The following IRS1 variants were observed in gnomAD, a reference collection of about 807,000 sequenced individuals.
IRS1 encodes the protein insulin receptor substrate 1.
A neutral mutation model predicts 65.6 loss-of-function variants in IRS1; 34 were observed. That is an observed-to-expected ratio of 0.52 (90% CI 0.39 to 0.69). The LOEUF (loss-of-function observed/expected upper bound fraction) is 0.69. IRS1 is among the 30% of genes least tolerant of loss of function. The probability of loss-of-function intolerance (pLI) is 0.00; values close to 1 mark genes in which losing one functional copy is unlikely to be tolerated. For synonymous variants in IRS1, 699 were observed against 683.5 expected, an observed-to-expected ratio of 1.02 and a Z score of -0.35; for missense variants, 1,641 against 1,720.2, an observed-to-expected ratio of 0.95 and a Z score of 0.81.
chr2:226,785,189 C>A (rs1218180182), intron 1 of IRS1, among the ~76,000 whole-genome samples: 1 of 152,084 alleles, frequency 6.6e-6, no homozygotes, highest in Non-Finnish European at 1.5e-5. Context: ...TCCCATTATA[C>A]CATATTAAGA....
At chr2:226,791,123 TAA>T (rs1939585594) in intron 1 of IRS1, among the ~76,000 whole-genome samples, 1 of 152,126 alleles carries the variant, frequency 6.6e-6, no homozygotes, top group African/African-American at 2.4e-5. Flanking sequence ...TGCTTTGCAG[TAA>T]AGTGTATGGA....
intron 1 of IRS1, among the ~76,000 whole-genome samples, chr2:226,755,674 A>G (rs1396959744): frequency 6.6e-6 from 1 of 152,214 alleles, no homozygotes; most frequent in Non-Finnish European, 1.5e-5. Context: ...TCTTCATCCC[A>G]TCCTTCCCCT....
intron 1 of IRS1, among the ~76,000 whole-genome samples, chr2:226,758,145 T>A (rs1400603022): frequency 4.6e-5 from 7 of 152,220 alleles, no homozygotes; most frequent in Non-Finnish European, 1.0e-4. Context: ...CAGATTCCAT[T>A]TGAATTCAGA....
At chr2:226,782,842 A>G (rs1023481673) in intron 1 of IRS1, among the ~76,000 whole-genome samples, 1 of 152,162 alleles carries the variant, frequency 6.6e-6, no homozygotes, top group Non-Finnish European at 1.5e-5. Context: ...CTCTACTAAA[A>G]ATACAAAAAT....
At chr2:226,755,891 A>C (rs1482337896) in intron 1 of IRS1, among the ~76,000 whole-genome samples, 2 of 152,268 alleles carry the variant, frequency 1.3e-5, no homozygotes, top group Non-Finnish European at 1.5e-5. Flanking sequence ...TCCTCCTCCC[A>C]AAAACATACA....
chr2:226,739,268 T>C (rs974321648), intron 1 of IRS1, among the ~76,000 whole-genome samples: 1 of 152,190 alleles, frequency 6.6e-6, no homozygotes, highest in African/African-American at 2.4e-5. Flanking sequence ...CTGTTTGTCT[T>C]TGTACAGGGT....
chr2:226,799,242 C>T lies in IRS1; in HGVS notation c.-504G>A. The T allele has an allele frequency of 8.8e-7, 1 of 1,129,958 alleles. No individual in the cohort carries two copies. Among genetic ancestry groups the T allele is most frequent in the Non-Finnish European group, 1.1e-6 (1 of 904,038 alleles). The allele number at this position is 1,129,958 out of a possible 1,614,324, so 70.0% of individuals were successfully genotyped here. ...GGCAGGGGGAGGCGGGTTGCCAAGT[C>T]CCAACGTTGCACGGGGTTCTCCCTC... On this transcript the variant is annotated 5_prime_UTR_variant, in exon 1 of 2. Transcript: ENST00000305123. The surrounding 1 kb of genome is among the most constrained non-coding windows in gnomAD (Gnocchi z 6.1).
chr2:226,793,596 A>G (rs1939651646), intron 1 of IRS1, among the ~76,000 whole-genome samples: 1 of 152,232 alleles, frequency 6.6e-6, no homozygotes, highest in African/African-American at 2.4e-5. Flanking sequence ...AAACAGAATT[A>G]AGAAGACTAT....
chr2:226,758,863 A>ATATC (rs1220330907), intron 1 of IRS1, among the ~76,000 whole-genome samples: 123 of 152,358 alleles, frequency 8.1e-4, no homozygotes, highest in African/African-American at 2.7e-3. Context: ...TATCCAAGGA[A>ATATC]GTGAAATTTG....
At chr2:226,791,205 C>T (rs979451741) in intron 1 of IRS1, among the ~76,000 whole-genome samples, 10 of 152,178 alleles carry the variant, frequency 6.6e-5, no homozygotes, top group African/African-American at 2.2e-4. Flanking sequence ...ATCCGCAGCA[C>T]TCGCAGGTCT....
intron 1 of IRS1, among the ~76,000 whole-genome samples, chr2:226,762,624 G>A (rs753663786): frequency 2.0e-5 from 3 of 152,164 alleles, no homozygotes; most frequent in Non-Finnish European, 2.9e-5. Flanking sequence ...GTTCCAATAA[G>A]CTTTCCAGAA....
chr2:226,746,088 A>C (rs557261318), intron 1 of IRS1, among the ~76,000 whole-genome samples: 1 of 152,362 alleles, frequency 6.6e-6, no homozygotes, highest in South Asian at 2.1e-4. Context: ...AATGAATGCT[A>C]TCTACAGAAA....
chr2:226,785,041 TATAAA>T (rs1458927291), intron 1 of IRS1, among the ~76,000 whole-genome samples: 1 of 152,214 alleles, frequency 6.6e-6, no homozygotes, highest in Non-Finnish European at 1.5e-5. Flanking sequence ...TAGTCTTATG[TATAAA>T]ATAAATTGCT....
rs1938235875 is a variant in IRS1, at chr2:226,732,259, A to C, written c.*4013T>G. ...GGAGACAGACTTACAGAACTACGGA[A>C]GGACCACAAAGATCTTCTGTGGCGC... On this transcript the variant is annotated 3_prime_UTR_variant, in exon 2 of 2. Coordinates refer to ENST00000305123, the MANE Select transcript of IRS1 (RefSeq NM_005544.3). 1 of 152,046 alleles carries C rather than the reference A, an allele frequency of 6.6e-6. No individual in the cohort carries two copies. Among genetic ancestry groups the C allele is most frequent in the South Asian group, 2.1e-4 (1 of 4,814 alleles). The allele number at this position is 152,046 out of a possible 1,614,324, so 9.4% of individuals were successfully genotyped here. A position where few individuals can be genotyped will look rare whatever the true frequency, so the allele number is the denominator to read the frequency against.
chr2:226,765,629 T>A (rs1939017275), intron 1 of IRS1, among the ~76,000 whole-genome samples: 1 of 152,174 alleles, frequency 6.6e-6, no homozygotes, highest in African/African-American at 2.4e-5. Context: ...ACCTGCCTAC[T>A]CAACAGCTGG....
At chr2:226,786,317 G>T (rs1939486389) in intron 1 of IRS1, among the ~76,000 whole-genome samples, 1 of 152,112 alleles carries the variant, frequency 6.6e-6, no homozygotes, top group African/African-American at 2.4e-5. Flanking sequence ...TGAACCTGAG[G>T]ATTGAAAAGA....
rs1372051337 is a variant in IRS1, at chr2:226,751,211, T to C, written c.*22-14961A>G. ...CTTGAACAATACAGATTTGGATGAC[T>C]GCAAAGAGGACATTGGGGGAAAACT... On this transcript the variant is annotated intron_variant, in intron 1 of 1. Coordinates refer to ENST00000305123, the MANE Select transcript of IRS1 (RefSeq NM_005544.3). Among the ~76,000 whole-genome samples the C allele has an allele frequency of 4.6e-5, 7 of 151,192 alleles. No individual in the cohort carries two copies. In the East Asian group the frequency reaches 1.4e-3, roughly 29 times the overall value.
rs1277545067 is a variant in IRS1 at position 226,798,408 on chromosome 2, G to C, written c.331C>G (p.Leu111Val). ...AEQDSWYQALLQLHNRAKGHH... is the reference protein window; with the variant it reads ...AEQDSWYQALVQLHNRAKGHH... The stretch of plus-strand genomic sequence containing the variant: ...CCCTTAGCACGGTTGTGCAGCTGTA[G>C]GAGAGCCTGGTACCAGCTGTCTTGC... The change falls in exon 1 of 2, where the codon CTA becomes GTA. Residue 111 changes from leucine (L) to valine (V), a missense_variant. Leu to Val is a conservative substitution (Grantham distance 32). This residue lies in a region of IRS1 where 240 missense variants were observed against 229.6 expected (regional missense o/e 1.05). Coordinates refer to ENST00000305123, the MANE Select transcript of IRS1 (RefSeq NM_005544.3). This position sits in a 1 kb window ranked among gnomAD's most constrained non-coding sequence, Gnocchi z 9.4. 2.5e-6 allele frequency: 4 copies of C among 1,613,952 alleles called. No individual in the cohort carries two copies. In the African/African-American group the frequency reaches 5.3e-5, roughly 22 times the overall value.
At chr2:226,750,748 G>A (rs1403944511) in intron 1 of IRS1, among the ~76,000 whole-genome samples, 1 of 152,148 alleles carries the variant, frequency 6.6e-6, no homozygotes. Context: ...CTAAAGAAAA[G>A]CACAGAGAAA....
Sources: allele counts gnomAD v4.1 joint callset (sites outside exome capture counted in the v4.1 genomes callset), GRCh38; gene constraint gnomAD v4.1.1; regional missense constraint gnomAD v4.1.1; non-coding constraint Gnocchi (gnomAD v3.1); transcripts MANE v1.5; gene names NCBI Gene and HGNC (gene_info 2026-07-23, HGNC 2026-07-21).